Variants in RAB1A observed in about 807,000 individuals in gnomAD.
RAB1A encodes the protein RAB1A, member RAS oncogene family.
Under a neutral mutation model 26.0 loss-of-function variants are expected in RAB1A, and 2 were observed. The ratio of observed to expected loss-of-function variants is 0.08; its 90% confidence interval spans 0.03 to 0.24. RAB1A has a LOEUF of 0.24. RAB1A is among the 10% of genes least tolerant of loss of function. The pLI is 1.00. For synonymous variants in RAB1A, 84 were observed against 84.9 expected, an observed-to-expected ratio of 0.99 and a Z score of 0.06; for missense variants, 100 against 247.0, an observed-to-expected ratio of 0.40 and a Z score of 3.99.
chr2:65,120,037 A>G (rs2103877075), intron 1 of RAB1A, among the ~76,000 whole-genome samples: 1 of 152,076 alleles, frequency 6.6e-6, no homozygotes, highest in South Asian at 2.1e-4. Flanking sequence ...AAAGCACTAC[A>G]TAATTATCCA....
At chr2:65,123,914 A>G (rs959653694) in intron 1 of RAB1A, among the ~76,000 whole-genome samples, 2 of 151,162 alleles carry the variant, frequency 1.3e-5, no homozygotes, top group Non-Finnish European at 3.0e-5. Flanking sequence ...AAAAAAAACT[A>G]AACTAAAATA....
intron 3 of RAB1A, among the ~76,000 whole-genome samples, chr2:65,097,038 T>C (rs1669305220): frequency 6.6e-6 from 1 of 150,834 alleles, no homozygotes; most frequent in African/African-American, 2.5e-5. Context: ...CACAAACCCA[T>C]GATTCTCTAA....
intron 3 of RAB1A, 24 bp downstream of exon 3, chr2:65,097,947 A>G: frequency 7.2e-7 from 1 of 1,383,860 alleles, no homozygotes; most frequent in Non-Finnish European, 9.8e-7. Flanking sequence ...AAATTTCAAA[A>G]AAATTACTAG....
chr2:65,107,087 C>A (rs1669580026), intron 1 of RAB1A, among the ~76,000 whole-genome samples: 1 of 149,792 alleles, frequency 6.7e-6, no homozygotes, highest in African/African-American at 2.5e-5. Flanking sequence ...TGTTTTGAGA[C>A]AAGAGTCTCG....
At chr2:65,115,143 G>A (rs1669796068) in intron 1 of RAB1A, among the ~76,000 whole-genome samples, 1 of 152,146 alleles carries the variant, frequency 6.6e-6, no homozygotes, top group Non-Finnish European at 1.5e-5. Context: ...AACTTCTACT[G>A]TTTATAAATT....
At chr2:65,128,781 G>A (rs535531800) in intron 1 of RAB1A, among the ~76,000 whole-genome samples, 23 of 152,192 alleles carry the variant, frequency 1.5e-4, no homozygotes, top group African/African-American at 5.5e-4. Flanking sequence ...ACACTGAAAA[G>A]GAATACCAAT....
intron 2 of RAB1A, among the ~76,000 whole-genome samples, chr2:65,101,851 G>A (rs971653552): frequency 6.9e-6 from 1 of 145,044 alleles, no homozygotes; most frequent in African/African-American, 2.6e-5. Context: ...CTGGGTTCAA[G>A]CAATTCTCCT....
intron 3 of RAB1A, among the ~76,000 whole-genome samples, chr2:65,095,264 G>C (rs143330314): frequency 1.2e-3 from 175 of 152,170 alleles, no homozygotes; most frequent in African/African-American, 3.9e-3. Context: ...TAGACCTCCT[G>C]AGCTCAGGCA....
chr2:65,099,851 G>A (rs747506172), intron 2 of RAB1A, among the ~76,000 whole-genome samples: 15 of 152,088 alleles, frequency 9.9e-5, no homozygotes, highest in Non-Finnish European at 2.2e-4. Context: ...TGCAGTTCTA[G>A]GTCTTCTAAT....
chr2:65,113,456 GGA>G (rs1669749612), intron 1 of RAB1A, among the ~76,000 whole-genome samples: 1 of 152,018 alleles, frequency 6.6e-6, no homozygotes, highest in South Asian at 2.1e-4. Flanking sequence ...CAGTGAGCTA[GGA>G]ATAGAACCAT....
chr2:65,110,372 T>C (rs992228946), intron 1 of RAB1A, among the ~76,000 whole-genome samples: 6 of 133,446 alleles, frequency 4.5e-5, no homozygotes, highest in African/African-American at 1.7e-4. Flanking sequence ...ACCCGGGAGG[T>C]GGAGGTTGCA....
At chr2:65,105,981 C>T (rs956755638) in intron 1 of RAB1A, among the ~76,000 whole-genome samples, 1 of 152,042 alleles carries the variant, frequency 6.6e-6, no homozygotes. Flanking sequence ...AGGATGGTCT[C>T]GATCTCCTGA....
intron 1 of RAB1A, among the ~76,000 whole-genome samples, chr2:65,112,039 C>T (rs1669711147): frequency 6.6e-6 from 1 of 151,834 alleles, no homozygotes; most frequent in Non-Finnish European, 1.5e-5. Flanking sequence ...GCTGATATCG[C>T]ACCACTGCAC....
chr2:65,099,193 T>G (rs1315585276), intron 2 of RAB1A, among the ~76,000 whole-genome samples: 1 of 150,240 alleles, frequency 6.7e-6, no homozygotes, highest in African/African-American at 2.4e-5. Context: ...TTTTATCCAT[T>G]CATAAATTGA....
chr2:65,120,001 C>T (rs1669920892), intron 1 of RAB1A, among the ~76,000 whole-genome samples: 2 of 144,458 alleles, frequency 1.4e-5, no homozygotes, highest in Non-Finnish European at 3.1e-5. Context: ...CTTCATCAGG[C>T]AGATGCTAAC....
rs1299639472 is a variant in RAB1A, at chr2:65,114,047, A to T, written c.24-9241T>A. ...AGCACAGCACACCTATCATAACACAAATTACTTCTAAGTAGGTAGAGTAGG... is the reference window on the plus strand; with the variant it reads ...AGCACAGCACACCTATCATAACACATATTACTTCTAAGTAGGTAGAGTAGG... On this transcript the variant is annotated intron_variant, in intron 1 of 5. Coordinates refer to ENST00000409784, the MANE Select transcript of RAB1A (RefSeq NM_004161.5). 6 of 328,062 alleles carry T rather than the reference A, an allele frequency of 1.8e-5. No homozygotes were observed. The Admixed American group carries it at 2.1e-4, about 11-fold the overall frequency. The allele number at this position is 328,062 out of a possible 1,614,324, so 20.3% of individuals were successfully genotyped here.
At chr2:65,104,705 A>G in intron 2 of RAB1A, 29 bp downstream of exon 2, 1 of 1,467,506 alleles carries the variant, frequency 6.8e-7, no homozygotes, top group Non-Finnish European at 9.4e-7. Context: ...TGTACCATTA[A>G]TTGTAAAGAC....
At chr2:65,125,715 T>C (rs1472669645) in intron 1 of RAB1A, among the ~76,000 whole-genome samples, 4 of 151,830 alleles carry the variant, frequency 2.6e-5, no homozygotes, top group Non-Finnish European at 5.9e-5. Context: ...CGCCTGGCCA[T>C]GTTAAGCATT....
chr2:65,116,354 A>C (rs1669826345), intron 1 of RAB1A, among the ~76,000 whole-genome samples: 1 of 152,008 alleles, frequency 6.6e-6, no homozygotes, highest in Non-Finnish European at 1.5e-5. Context: ...TTACCTCTCA[A>C]AGCCTGCATG....
Sources: allele counts gnomAD v4.1 joint callset (sites outside exome capture counted in the v4.1 genomes callset), GRCh38; gene constraint gnomAD v4.1.1; transcripts MANE v1.5; gene names NCBI Gene and HGNC (gene_info 2026-07-23, HGNC 2026-07-21).